The following CACNB4 variants were observed in gnomAD, a reference collection of about 807,000 sequenced individuals.
CACNB4 encodes voltage-dependent L-type calcium channel subunit beta-4.
Under a neutral mutation model 71.2 loss-of-function variants are expected in CACNB4, and 32 were observed. That is an observed-to-expected ratio of 0.45 (90% CI 0.34 to 0.60). CACNB4 has a LOEUF of 0.60. CACNB4 is among the 20% of genes least tolerant of loss of function. The pLI is 0.01. For synonymous variants in CACNB4, 231 were observed against 236.9 expected (o/e 0.97, Z 0.23); for missense variants, 464 against 647.9 (o/e 0.72, Z 3.08).
At chr2:151,911,871 T>G (rs562375135) in intron 2 of CACNB4, among the ~76,000 whole-genome samples, 1 of 152,296 alleles carries the variant, frequency 6.6e-6, no homozygotes, top group East Asian at 1.9e-4. Flanking sequence ...ATTCAGGGAT[T>G]TGACCTCTTC....
intron 2 of CACNB4, among the ~76,000 whole-genome samples, chr2:152,089,893 C>T (rs571513377): frequency 1.3e-5 from 2 of 152,230 alleles, no homozygotes; most frequent in African/African-American, 4.8e-5. Flanking sequence ...GGGAACACGA[C>T]CCTGTCTCAA....
In CACNB4 at chr2:152,098,802, G is replaced by T. The variant is rs1688431981; in HGVS notation, c.63+147C>A. 3 of 1,048,340 alleles carry T rather than the reference G, an allele frequency of 2.9e-6. No individual in the cohort carries two copies. The highest frequency in any genetic ancestry group is 1.6e-5 in the South Asian group (1 of 63,240). The allele number at this position is 1,048,340 out of a possible 1,614,324, so 64.9% of individuals were successfully genotyped here. ...AGGAGGAGCGGGAGGAGAAAGGGAC[G>T]TGGAGGAGGGGTGGGGGGAGCGGGG... On this transcript the variant is annotated intron_variant, in intron 1 of 13. Coordinates refer to ENST00000539935, the MANE Select transcript of CACNB4 (RefSeq NM_000726.5). This position sits in a 1 kb window ranked among gnomAD's most constrained non-coding sequence, Gnocchi z 5.3.
intron 2 of CACNB4, among the ~76,000 whole-genome samples, chr2:152,003,087 C>A (rs1416590547): frequency 6.6e-6 from 1 of 152,146 alleles, no homozygotes; most frequent in Non-Finnish European, 1.5e-5. Context: ...TGCCTGATAC[C>A]ATTTTCTTCC....
At chr2:151,990,517 G>T (rs1332149789) in intron 2 of CACNB4, among the ~76,000 whole-genome samples, 1 of 152,114 alleles carries the variant, frequency 6.6e-6, no homozygotes, top group African/African-American at 2.4e-5. Flanking sequence ...GCAACAATGT[G>T]AGCTCCAGGA....
chr2:151,976,877 T>A (rs2099873899), intron 2 of CACNB4, among the ~76,000 whole-genome samples: 1 of 152,210 alleles, frequency 6.6e-6, no homozygotes, highest in African/African-American at 2.4e-5. Context: ...TAAAAGGGTC[T>A]ATGGATTCCA....
intron 2 of CACNB4, among the ~76,000 whole-genome samples, chr2:151,932,434 G>C (rs2099861854): frequency 6.6e-6 from 1 of 152,052 alleles, no homozygotes; most frequent in Non-Finnish European, 1.5e-5. Context: ...AGTGGAGCTC[G>C]AGGTTATAGA....
At chr2:151,971,452 T>C (rs1042796698) in intron 2 of CACNB4, 2 of 701,620 alleles carry the variant, frequency 2.9e-6, no homozygotes, top group African/African-American at 3.5e-5. Context: ...ATTCTCGGAC[T>C]GCAGCTAGCC....
chr2:151,894,718 A>T (rs1314656156), intron 2 of CACNB4, among the ~76,000 whole-genome samples: 2 of 152,214 alleles, frequency 1.3e-5, no homozygotes, highest in Non-Finnish European at 2.9e-5. Context: ...ATGTTGCAGG[A>T]TACAAAATAA....
chr2:151,990,032 A>G (rs753012938), intron 2 of CACNB4, among the ~76,000 whole-genome samples: 8 of 152,128 alleles, frequency 5.3e-5, no homozygotes, highest in Non-Finnish European at 1.2e-4. Flanking sequence ...AGTCTTCTGC[A>G]TCCAACTGTG....
chr2:151,912,602 GAATA>G (rs2099856470), intron 2 of CACNB4, among the ~76,000 whole-genome samples: 1 of 152,184 alleles, frequency 6.6e-6, no homozygotes, highest in Non-Finnish European at 1.5e-5. Flanking sequence ...GTCAATTTTA[GAATA>G]AATGCCAGGT....
In CACNB4 at chr2:152,016,733, G is replaced by A. The variant is rs187255924; in HGVS notation, c.147+81597C>T. ...GCTCAGGCACAAATGTGGCTAGGAG[G>A]ATATCTTTATGTAGAGCCACAATAA... On this transcript the variant is annotated intron_variant, in intron 2 of 13. Transcript: ENST00000539935. Among the ~76,000 whole-genome samples, 249 of 152,288 alleles carry A rather than the reference G, an allele frequency of 1.6e-3. 5 individuals are homozygous for A. Among genetic ancestry groups the A allele is most frequent in the Admixed American group, 2.3e-3 (35 of 15,296 alleles).
At chr2:151,995,251 A>C (rs960743788) in intron 2 of CACNB4, among the ~76,000 whole-genome samples, 5 of 151,378 alleles carry the variant, frequency 3.3e-5, no homozygotes, top group Non-Finnish European at 7.4e-5. Flanking sequence ...ATAAAAATGT[A>C]CCTCAAAAAC....
chr2:152,089,713 C>A (rs1160667885), intron 2 of CACNB4, among the ~76,000 whole-genome samples: 2 of 151,912 alleles, frequency 1.3e-5, no homozygotes, highest in Admixed American at 1.3e-4. Context: ...GAAAGGACTG[C>A]TTGAGCCCAG....
At chr2:152,079,174 C>T (rs1293455426) in intron 2 of CACNB4, among the ~76,000 whole-genome samples, 2 of 152,152 alleles carry the variant, frequency 1.3e-5, no homozygotes, top group East Asian at 1.9e-4. Flanking sequence ...CTGTAAGCTC[C>T]GCCTCCCAGG....
At chr2:152,032,232 T>C (rs1319675777) in intron 2 of CACNB4, among the ~76,000 whole-genome samples, 1 of 152,168 alleles carries the variant, frequency 6.6e-6, no homozygotes, top group East Asian at 1.9e-4. Flanking sequence ...CCCCCGTCCA[T>C]TATCTTTGCT....
chr2:151,977,276 A>G (rs533156516), intron 2 of CACNB4, among the ~76,000 whole-genome samples: 9 of 152,342 alleles, frequency 5.9e-5, no homozygotes, highest in African/African-American at 1.7e-4. Context: ...AAAAAGCCCT[A>G]TGAAAAAGCA....
rs75587862 is a variant in CACNB4 at position 151,846,224 on chromosome 2, A to G, written c.1117-4136T>C. ...ATGAGACTATCACTGCTAAACCTTG[A>G]AAATTCTGAGCAAATGGTGGGTCAC... is the stretch of plus-strand genomic sequence containing the variant. On this transcript the variant is annotated intron_variant, in intron 12 of 13. Coordinates refer to ENST00000539935, the MANE Select transcript of CACNB4 (RefSeq NM_000726.5). Among the ~76,000 whole-genome samples, 764 of 152,296 alleles carry G rather than the reference A, an allele frequency of 5.0e-3. 7 individuals carry two copies. The highest frequency in any genetic ancestry group is 0.018 in the African/African-American group (738 of 41,552).
chr2:151,894,385 CA>C (rs913538331), intron 2 of CACNB4, among the ~76,000 whole-genome samples: 4 of 152,158 alleles, frequency 2.6e-5, no homozygotes, highest in African/African-American at 9.7e-5. Flanking sequence ...CAAAATTCAA[CA>C]CCCTTCATGA....
In CACNB4 at chr2:151,907,429, G is replaced by T. The variant is rs73967715; in HGVS notation, c.148-24059C>A. Among the ~76,000 whole-genome samples the T allele has an allele frequency of 2.4e-3, 371 of 152,268 alleles. 1 individual carries two copies. The highest frequency in any genetic ancestry group is 8.6e-3 in the African/African-American group (359 of 41,556). ...GGAATAATTTTAGATTTACAGAAAA[G>T]TTGCAAAGATAGTACAGAGTTCCCA... On this transcript the variant is annotated intron_variant, in intron 2 of 13. Coordinates refer to ENST00000539935, the MANE Select transcript of CACNB4 (RefSeq NM_000726.5).
Sources: gnomAD v4.1 joint callset for allele counts (sites outside exome capture counted in the v4.1 genomes callset) on GRCh38, gnomAD v4.1.1 for gene constraint, Gnocchi (gnomAD v3.1) non-coding constraint, MANE v1.5 for transcripts, NCBI Gene and HGNC (gene_info 2026-07-23, HGNC 2026-07-21) for gene names.